SEPTIN5: variants seen among roughly 807,000 people sequenced by gnomAD.
SEPTIN5 encodes the protein septin 5.
In SEPTIN5, 16 loss-of-function variants were observed where a neutral mutation model predicts 51.2. The observed-to-expected ratio is 0.31, with a 90% CI of 0.21 to 0.47. SEPTIN5 has a LOEUF of 0.47. Among genes scored for constraint, SEPTIN5 ranks in the 20% least tolerant of loss-of-function variants. The probability of loss-of-function intolerance (pLI) is 0.99; values close to 1 mark genes in which losing one functional copy is unlikely to be tolerated. For missense variants in SEPTIN5, 376 were observed against 500.3 expected (o/e 0.75, Z 2.37); for synonymous variants, 208 against 191.2 (o/e 1.09, Z -0.72).
chr22:19,715,076 C>T (rs1172131305), intron 2 of SEPTIN5, among the ~76,000 whole-genome samples: 2 of 152,266 alleles, frequency 1.3e-5, no homozygotes, highest in East Asian at 3.8e-4. Flanking sequence ...CCAGCATCTC[C>T]TGCTGACCTG....
rs552817097 is a variant in SEPTIN5 at position 19,720,202 on chromosome 22, C to T, written c.326C>T (p.Thr109Met). The T allele has an allele frequency of 1.1e-5, 18 of 1,613,426 alleles. No homozygotes were observed. Among genetic ancestry groups the T allele is most frequent in the Non-Finnish European group, 1.4e-5 (16 of 1,180,024 alleles). The change falls in exon 5 of 12, where the codon ACG becomes ATG. Residue 109 changes from threonine (T) to methionine (M), a missense_variant. Thr to Met is a moderately conservative substitution (Grantham distance 81). Transcript: ENST00000455784. ...GVKLKLTIVD[T>M]PGFGDAVNNT... Reference sequence around the variant, plus strand: ...AAGCTGAAGCTCACCATCGTGGACACGCCGGGATTCGGGGACGCTGTCAAC... The same window carrying T: ...AAGCTGAAGCTCACCATCGTGGACATGCCGGGATTCGGGGACGCTGTCAAC...
chr22:19,720,650 G>A lies in SEPTIN5; in HGVS notation c.599G>A (p.Arg200Gln), dbSNP rs1246797169. The change falls in exon 7 of 12, where the codon CGG becomes CAG. Residue 200 changes from arginine to glutamine, a missense_variant. By Grantham distance (43) the Arg-to-Gln change is conservative. Transcript: ENST00000455784. ...KADCLVPSEI[R>Q]KLKERIREEI... is the part of the protein sequence containing the mutation. The stretch of plus-strand genomic sequence containing the variant: ...GACTGTCTTGTCCCCAGTGAGATCC[G>A]GAAGCTGAAGGAGCGGGTGAGCCTG... The A allele has an allele frequency of 1.2e-6, 2 of 1,612,796 alleles. No individual in the cohort carries two copies. Among genetic ancestry groups the A allele is most frequent in the Admixed American group, 1.7e-5 (1 of 59,990 alleles).
At chr22:19,715,536 G>A (rs182296488) in intron 2 of SEPTIN5, among the ~76,000 whole-genome samples, 99 of 152,192 alleles carry the variant, frequency 6.5e-4, no homozygotes, top group African/African-American at 2.2e-3. Flanking sequence ...CAGGTGGGCT[G>A]GGGGGGCTGG....
At position 19,723,267 on chromosome 22, in the gene SEPTIN5, T is replaced by G; in HGVS notation, c.*783T>G. ...CCACACGATGCTCCGTTTTCTTCCG[T>G]TGTGAATGCCGCGTCCTGTCCTGGT... On this transcript the variant is annotated 3_prime_UTR_variant, in exon 12 of 12. Coordinates refer to ENST00000455784, the MANE Select transcript of SEPTIN5 (RefSeq NM_002688.6). 1.5e-6 allele frequency: 1 copy of G among 677,882 alleles called. No homozygotes were observed. The highest frequency in any genetic ancestry group is 2.8e-5 in the East Asian group (1 of 35,504). 42.0% of individuals were successfully genotyped at this position (677,882 alleles called of 1,614,324 possible). A position where few individuals can be genotyped will look rare whatever the true frequency, so the allele number is the denominator to read the frequency against.
At position 19,721,882 on chromosome 22, in the gene SEPTIN5, T is replaced by C; in HGVS notation, c.875T>C (p.Met292Thr). ...KLRNMLIRTH[M>T]HDLKDVTCDV... ...CGCAACATGCTCATCCGCACGCATA[T>C]GCACGACCTCAAGGACGTGACGTGC... The change falls in exon 10 of 12, where the codon ATG (methionine) becomes ACG (threonine). Residue 292 changes from methionine to threonine, a missense_variant. Met to Thr is a moderately conservative substitution (Grantham distance 81, BLOSUM62 -1). Transcript: ENST00000455784. 6.3e-7 allele frequency: 1 copy of C among 1,590,010 alleles called. No homozygotes were observed. Among genetic ancestry groups the C allele is most frequent in the Non-Finnish European group, 8.6e-7 (1 of 1,165,412 alleles).
chr22:19,719,006 A>G (rs1028788862), intron 2 of SEPTIN5: 5 of 552,722 alleles, frequency 9.0e-6, no homozygotes, highest in Admixed American at 4.5e-5. Context: ...ACCTCACGCG[A>G]CTCCAAAACG....
intron 2 of SEPTIN5, chr22:19,718,300 C>T (rs1935947616): frequency 4.2e-6 from 3 of 712,960 alleles, no homozygotes; most frequent in Middle Eastern, 6.9e-4. Context: ...GAGCCATGGC[C>T]CGACCGCGCC....
At position 19,719,409 on chromosome 22, in the gene SEPTIN5, C is replaced by T. The variant is rs545454876; in HGVS notation, c.55-193C>T. On this transcript the variant is annotated intron_variant, in intron 2 of 11. Coordinates refer to ENST00000455784, the MANE Select transcript of SEPTIN5 (RefSeq NM_002688.6). Reference sequence around the variant, plus strand: ...GGGATTGGGGCCAGGGGTGCCTTCTCCTGCCACCACCTCGCCTGCCTTCTT... The same window carrying T: ...GGGATTGGGGCCAGGGGTGCCTTCTTCTGCCACCACCTCGCCTGCCTTCTT... 2.4e-5 allele frequency: 14 copies of T among 574,512 alleles called. No homozygotes were observed. In the East Asian group the frequency reaches 3.8e-4, roughly 15 times the overall value. 35.6% of individuals were successfully genotyped at this position (574,512 alleles called of 1,614,324 possible). A position where few individuals can be genotyped will look rare whatever the true frequency, so the allele number is the denominator to read the frequency against.
In SEPTIN5 at chr22:19,714,900, C is replaced by G. The variant is rs1935892629; in HGVS notation, c.54+109C>G. On this transcript the variant is annotated intron_variant, in intron 2 of 11. Coordinates refer to ENST00000455784, the MANE Select transcript of SEPTIN5 (RefSeq NM_002688.6). The surrounding 1 kb of genome is among the most constrained non-coding windows in gnomAD (Gnocchi z 5.2). ...CGACCCCGCCCCCGCCGGCCCTCAC[C>G]CAGCCCTGTCGCGATCACCGATTGT... 1.1e-5 allele frequency: 15 copies of G among 1,371,782 alleles called. No homozygotes were observed. The South Asian group carries it at 1.9e-4, about 17-fold the overall frequency. The allele number at this position is 1,371,782 out of a possible 1,614,324, so 85.0% of individuals were successfully genotyped here.
chr22:19,723,138 G>A lies in SEPTIN5; in HGVS notation c.*654G>A, dbSNP rs1024742646. 1.4e-5 allele frequency: 8 copies of A among 553,056 alleles called. No homozygotes were observed. In the Admixed American group the frequency reaches 1.5e-4, roughly 11 times the overall value. The allele number at this position is 553,056 out of a possible 1,614,324, so 34.3% of individuals were successfully genotyped here. On this transcript the variant is annotated 3_prime_UTR_variant, in exon 12 of 12. Coordinates refer to ENST00000455784, the MANE Select transcript of SEPTIN5 (RefSeq NM_002688.6). ...CCACCTCCTGGCAACTCTCGGTGCC[G>A]TCCCCTGCCCTCGCTCGAGGCCTCT... is the stretch of plus-strand genomic sequence containing the variant.
Position 19,721,697 on chromosome 22 carries a change from C to A in SEPTIN5, c.775C>A (p.Arg259=), listed in dbSNP as rs745550752. 5.6e-6 allele frequency: 9 copies of A among 1,611,950 alleles called. No individual in the cohort carries two copies. In the Admixed American group the frequency reaches 1.3e-4, roughly 24 times the overall value. Residue 259 remains arginine (R), a synonymous_variant, in exon 9 of 12, where the codon CGG becomes AGG. Transcript: ENST00000455784. ...CACGGTGGTGGAGGCCAAGGGGCAG[C>A]GGGTCCGGGGCCGACTGTACCCCTG... ...SNTVVEAKGQ[R]VRGRLYPWGI... is the part of the protein sequence containing the mutation.
intron 2 of SEPTIN5, 76 bp from the exon 3 acceptor site, chr22:19,719,526 C>T (rs768908953): frequency 1.9e-4 from 228 of 1,208,664 alleles, no homozygotes; most frequent in Non-Finnish European, 2.5e-4. Context: ...CTCCTCATAC[C>T]GCATTTGGTA....
At chr22:19,715,414 C>T (rs969281086) in intron 2 of SEPTIN5, among the ~76,000 whole-genome samples, 3 of 152,222 alleles carry the variant, frequency 2.0e-5, no homozygotes, top group Non-Finnish European at 4.4e-5. Flanking sequence ...GCCCCACCCT[C>T]CAGGAAAGCA....
intron 2 of SEPTIN5, chr22:19,719,080 TGGGCGCGC>T (rs1935969042): frequency 3.0e-6 from 1 of 337,708 alleles, no homozygotes; most frequent in Non-Finnish European, 5.3e-6. Context: ...GCTGGGCGCC[TGGGCGCGC>T]GGGCGGGGGA....
At chr22:19,719,997 G>C (rs1338026454) in intron 4 of SEPTIN5, 105 bp downstream of exon 4, 2 of 1,600,432 alleles carry the variant, frequency 1.2e-6, no homozygotes, top group Non-Finnish European at 1.7e-6. Context: ...TGTTCTCGCG[G>C]TGTGGGTCCC....
chr22:19,718,585 C>T (rs1935954887), intron 2 of SEPTIN5: 1 of 1,290,702 alleles, frequency 7.7e-7, no homozygotes, highest in Non-Finnish European at 9.8e-7. Flanking sequence ...GGCGACGTGC[C>T]CTGTCCAGGC....
chr22:19,720,895 G>A (rs753736763), intron 8 of SEPTIN5, 26 bp downstream of exon 8: 2 of 1,594,176 alleles, frequency 1.3e-6, no homozygotes, highest in South Asian at 1.1e-5. Flanking sequence ...GGTGGGGCAG[G>A]GGGGATGGAG....
At chr22:19,722,033 T>C (rs1936049854) in intron 10 of SEPTIN5, 76 bp downstream of exon 10, 2 of 1,533,166 alleles carry the variant, frequency 1.3e-6, no homozygotes, top group Non-Finnish European at 1.8e-6. Flanking sequence ...GCCGGTCCTG[T>C]CAGCCCACCC....
At chr22:19,715,505 G>A (rs1277614669) in intron 2 of SEPTIN5, among the ~76,000 whole-genome samples, 2 of 152,260 alleles carry the variant, frequency 1.3e-5, no homozygotes, top group African/African-American at 4.8e-5. Flanking sequence ...AGGCCCCTGG[G>A]GTGGGGCGGG....
Sources: gnomAD v4.1 joint callset for allele counts (sites outside exome capture counted in the v4.1 genomes callset) on GRCh38, gnomAD v4.1.1 for gene constraint, Gnocchi (gnomAD v3.1) non-coding constraint, MANE v1.5 for transcripts, NCBI Gene and HGNC (gene_info 2026-07-23, HGNC 2026-07-21) for gene names.